Variants in L3MBTL1 observed in about 807,000 individuals in gnomAD.
L3MBTL1 encodes the protein lethal(3)malignant brain tumor-like protein 1.
L3MBTL1 carries 75 observed loss-of-function variants against 105.3 expected under a neutral mutation model. That is an observed-to-expected ratio of 0.71 (90% confidence interval 0.59 to 0.86). The LOEUF (loss-of-function observed/expected upper bound fraction) is 0.86, where lower values mean the gene tolerates loss of function less well. Ranked by LOEUF, L3MBTL1 falls within the 40% of genes least tolerant of loss-of-function variation. The pLI is 0.00. For missense variants in L3MBTL1, 1,069 were observed against 1,126.4 expected (o/e 0.95, Z 0.73); for synonymous variants, 452 against 436.2 (o/e 1.04, Z -0.45).
intron 1 of L3MBTL1, among the ~76,000 whole-genome samples, chr20:43,511,034 T>G (rs1172162565): frequency 6.6e-6 from 1 of 152,082 alleles, no homozygotes; most frequent in Non-Finnish European, 1.5e-5. Flanking sequence ...ATACAGTGTT[T>G]TTTTGTTTTG....
chr20:43,522,858 T>C (rs1185493788), intron 7 of L3MBTL1, among the ~76,000 whole-genome samples: 1 of 149,576 alleles, frequency 6.7e-6, no homozygotes, highest in Non-Finnish European at 1.5e-5. Flanking sequence ...ATCCCAGCAC[T>C]TTAGTAGGCC....
At chr20:43,548,327 A>G (rs961977335) in exon 19 of L3MBTL1, 1 of 1,177,574 alleles carries the variant, frequency 8.5e-7, no homozygotes, top group African/African-American at 1.6e-5. Flanking sequence ...TGAATTCCTC[A>G]TACCCCACAC....
intron 18 of L3MBTL1, among the ~76,000 whole-genome samples, chr20:43,547,485 C>G (rs1235616022): frequency 2.0e-5 from 3 of 152,126 alleles, no homozygotes; most frequent in African/African-American, 7.2e-5. Context: ...TTAACTTGTT[C>G]CTCTATCCCC....
intron 7 of L3MBTL1, among the ~76,000 whole-genome samples, chr20:43,524,096 CTTTG>C (rs2145423453): frequency 6.6e-6 from 1 of 151,474 alleles, no homozygotes; most frequent in East Asian, 1.9e-4. Context: ...CAGAGTTTTT[CTTTG>C]TTTATTAATC....
At chr20:43,538,647 C>G (rs1258602794) in intron 19 of L3MBTL1, among the ~76,000 whole-genome samples, 1 of 152,168 alleles carries the variant, frequency 6.6e-6, no homozygotes, top group Non-Finnish European at 1.5e-5. Flanking sequence ...GGAGTGTCAG[C>G]TACTGAAGGA....
rs772464916 is a variant in L3MBTL1, at chr20:43,536,454, C to A, written c.2169C>A (p.Phe723Leu). Reference protein sequence around the residue: ...PKYRKIPQEDFQTLTPDVVHQ... With the variant: ...PKYRKIPQEDLQTLTPDVVHQ... ...ATCGAAAGATTCCGCAGGAAGATTT[C>A]CAGAGTAAGTCTGGGTTATCTGCTC... The change falls in exon 19 of 22, where the codon TTC becomes TTA. Residue 723 changes from phenylalanine (F) to leucine (L), a missense_variant. Physicochemically the swap from Phe to Leu is conservative, Grantham distance 22. Transcript: ENST00000418998. 3.1e-6 allele frequency: 5 copies of A among 1,613,888 alleles called. No individual in the cohort carries two copies. The highest frequency in any genetic ancestry group is 1.7e-5 in the Admixed American group (1 of 60,026).
chr20:43,528,937 CAGAG>C (rs749683447), intron 8 of L3MBTL1, 192 bp downstream of exon 8: 2 of 611,416 alleles, frequency 3.3e-6, no homozygotes, highest in Non-Finnish European at 5.8e-6. Flanking sequence ...TGGGAAGAAA[CAGAG>C]AGGTGGAAGC....
At chr20:43,548,329 AC>A in exon 19 of L3MBTL1, 1 of 1,146,866 alleles carries the variant, frequency 8.7e-7, no homozygotes. Flanking sequence ...AATTCCTCAT[AC>A]CCCACACGTC....
At position 43,532,900 on chromosome 20, in the gene L3MBTL1, A is replaced by G; in HGVS notation, c.1412A>G (p.Asn471Ser). 2 of 1,614,094 alleles carry G rather than the reference A, an allele frequency of 1.2e-6. No individual in the cohort carries two copies. The highest frequency in any genetic ancestry group is 1.7e-6 in the Non-Finnish European group (2 of 1,180,020). ...VDSRFLVHFD[N>S]WDDTYDYWCD... ...AGCCGCTTCCTGGTGCACTTTGACAACTGGGATGATACTTATGACTACTGG... is the reference window on the plus strand; with the variant it reads ...AGCCGCTTCCTGGTGCACTTTGACAGCTGGGATGATACTTATGACTACTGG... The change falls in exon 12 of 22, where the codon AAC (asparagine) becomes AGC (serine). Residue 471 changes from asparagine to serine, a missense_variant. Physicochemically the swap from Asn to Ser is conservative, Grantham distance 46. Coordinates refer to ENST00000418998, the MANE Select transcript of L3MBTL1 (RefSeq NM_001377303.1).
At chr20:43,530,219 G>A in intron 9 of L3MBTL1, 65 bp from the exon 10 acceptor site, 1 of 1,605,594 alleles carries the variant, frequency 6.2e-7, no homozygotes. Context: ...GCCAGGAGAG[G>A]TGAGGCAGAT....
chr20:43,531,047 G>GGTCCAGGGCCAGA, intron 11 of L3MBTL1, 158 bp downstream of exon 11: 1 of 643,844 alleles, frequency 1.6e-6, no homozygotes, highest in South Asian at 2.0e-5. Context: ...AGCTGGGCAG[G>GGTCCAGGGCCAGA]GTCCAGGGCC....
At chr20:43,546,035 G>T (rs4812719), downstream of L3MBTL1, among the ~76,000 whole-genome samples, 1 of 152,154 alleles carries the variant, frequency 6.6e-6, no homozygotes, top group South Asian at 2.1e-4. Flanking sequence ...CCCCCTGGTG[G>T]TCCTGGAAGG....
intron 3 of L3MBTL1, 95 bp from the exon 4 acceptor site, chr20:43,514,540 C>T: frequency 1.3e-6 from 2 of 1,581,828 alleles, no homozygotes; most frequent in Non-Finnish European, 1.7e-6. Flanking sequence ...AGGGCGTGAG[C>T]TGGCATGAGG....
In L3MBTL1 at chr20:43,541,511, A is replaced by G. The variant is rs1455348573; in HGVS notation, c.*383A>G. 4 of 190,190 alleles carry G rather than the reference A, an allele frequency of 2.1e-5. No individual in the cohort carries two copies. In the East Asian group the frequency reaches 4.9e-4, roughly 23 times the overall value. 11.8% of individuals were successfully genotyped at this position (190,190 alleles called of 1,614,324 possible). A position where few individuals can be genotyped will look rare whatever the true frequency, so the allele number is the denominator to read the frequency against. ...GATACATTCTTAGAAATGTGTCACTAGGCAATTCTGTCATTGTGTAAACAT... is the reference window on the plus strand; with the variant it reads ...GATACATTCTTAGAAATGTGTCACTGGGCAATTCTGTCATTGTGTAAACAT... On this transcript the variant is annotated 3_prime_UTR_variant, in exon 22 of 22. Coordinates refer to ENST00000418998, the MANE Select transcript of L3MBTL1 (RefSeq NM_001377303.1).
chr20:43,520,801 A>G (rs1336509910), intron 7 of L3MBTL1, among the ~76,000 whole-genome samples: 1 of 152,224 alleles, frequency 6.6e-6, no homozygotes, highest in African/African-American at 2.4e-5. Flanking sequence ...GAACAAGTTG[A>G]GAATATGAGT....
intron 1 of L3MBTL1, among the ~76,000 whole-genome samples, chr20:43,508,281 C>T (rs1399611515): frequency 6.6e-6 from 1 of 151,390 alleles, no homozygotes; most frequent in Non-Finnish European, 1.5e-5. Context: ...GCGGAACTGT[C>T]GGATCAGTGA....
At chr20:43,519,288 G>A (rs1323292893) in intron 7 of L3MBTL1, among the ~76,000 whole-genome samples, 4 of 147,216 alleles carry the variant, frequency 2.7e-5, no homozygotes, top group Non-Finnish European at 4.4e-5. Context: ...AGTGAGCTGA[G>A]AGTGCACCAC....
intron 19 of L3MBTL1, 104 bp downstream of exon 19, chr20:43,536,562 A>G (rs549077785): frequency 3.1e-4 from 420 of 1,353,414 alleles, no homozygotes; most frequent in Non-Finnish European, 4.0e-4. Context: ...GGGAGAAGCT[A>G]GAAGGAGGGC....
At chr20:43,539,064 T>C (rs975645657) in intron 19 of L3MBTL1, 1 of 152,388 alleles carries the variant, frequency 6.6e-6, no homozygotes, top group Non-Finnish European at 1.5e-5. Flanking sequence ...GGCACAGAAG[T>C]GTGGTTGGTA....
Sources: allele counts gnomAD v4.1 joint callset (sites outside exome capture counted in the v4.1 genomes callset), GRCh38; gene constraint gnomAD v4.1.1; transcripts MANE v1.5; gene names NCBI Gene and HGNC (gene_info 2026-07-23, HGNC 2026-07-21).